RBFOX1: variants seen among roughly 807,000 people sequenced by gnomAD.
RBFOX1 encodes the protein RNA binding protein fox-1 homolog 1.
A neutral mutation model predicts 57.7 loss-of-function variants in RBFOX1; 8 were observed. That is an observed-to-expected ratio of 0.14 (90% confidence interval 0.08 to 0.25). RBFOX1 has a LOEUF of 0.25. Ranked by LOEUF, RBFOX1 falls within the 10% of genes least tolerant of loss-of-function variation. The pLI is 1.00. For synonymous variants in RBFOX1, 326 were observed against 222.4 expected (o/e 1.47, Z -4.15); for missense variants, 611 against 548.5 (o/e 1.11, Z -1.14).
chr16:7,026,082 G>A (rs1346504686), intron 3 of RBFOX1, among the ~76,000 whole-genome samples: 3 of 152,170 alleles, frequency 2.0e-5, no homozygotes, highest in Non-Finnish European at 4.4e-5. Flanking sequence ...AGGCTGGGGT[G>A]CTTGCTATGT....
At chr16:6,913,931 G>T (rs917360742) in intron 3 of RBFOX1, among the ~76,000 whole-genome samples, 2 of 152,154 alleles carry the variant, frequency 1.3e-5, no homozygotes, top group African/African-American at 4.8e-5. Context: ...GGCCTCTTGG[G>T]GTGAAGGATA....
intron 3 of RBFOX1, among the ~76,000 whole-genome samples, chr16:7,012,304 G>T (rs1216013686): frequency 6.6e-6 from 1 of 152,264 alleles, no homozygotes; most frequent in South Asian, 2.1e-4. Flanking sequence ...CAAATGTCTG[G>T]CAGGTGAGAT....
chr16:7,072,861 A>G (rs1174200431), intron 4 of RBFOX1, among the ~76,000 whole-genome samples: 9 of 152,170 alleles, frequency 5.9e-5, no homozygotes, highest in Non-Finnish European at 1.0e-4. Context: ...GTGCTCTGAG[A>G]TGAAGAATTT....
Position 6,907,265 on chromosome 16 carries a change from G to A in RBFOX1, c.-15-144792G>A, listed in dbSNP as rs539355692. Reference sequence around the variant, plus strand: ...TGGCCCCCGAAGCAAAGCGTTTGTAGTGCTGACAGTGAGAGTCATCTTTAC... The same window carrying A: ...TGGCCCCCGAAGCAAAGCGTTTGTAATGCTGACAGTGAGAGTCATCTTTAC... On this transcript the variant is annotated intron_variant, in intron 3 of 15. Transcript: ENST00000550418. 1.0e-3 allele frequency among the ~76,000 whole-genome samples: 157 copies of A among 152,292 alleles called. 4 individuals are homozygous for A. In the South Asian group the frequency reaches 0.032, roughly 31 times the overall value.
At chr16:6,145,588 G>T (rs1410739383) in intron 1 of RBFOX1, among the ~76,000 whole-genome samples, 1 of 151,932 alleles carries the variant, frequency 6.6e-6, no homozygotes, top group Non-Finnish European at 1.5e-5. Flanking sequence ...ATTTCCTTTG[G>T]CATATTTCAT....
In RBFOX1 at chr16:6,107,752, G is replaced by C. The variant is rs938182102; in HGVS notation, c.-127+87760G>C. Among the ~76,000 whole-genome samples the C allele has an allele frequency of 1.2e-4, 18 of 150,960 alleles. 1 individual carries two copies. The highest frequency in any genetic ancestry group is 9.8e-4 in the East Asian group (5 of 5,102). On this transcript the variant is annotated intron_variant, in intron 1 of 15. Transcript: ENST00000550418. The stretch of plus-strand genomic sequence containing the variant: ...GGGTGGGTGGGTGGATGGATGGATG[G>C]GTGTTTGGATGGGTGGGTGGATGGA...
intron 3 of RBFOX1, among the ~76,000 whole-genome samples, chr16:6,971,112 G>A (rs534017097): frequency 5.9e-4 from 90 of 152,324 alleles, no homozygotes; most frequent in African/African-American, 2.1e-3. Flanking sequence ...TAATCTAGCG[G>A]AGGAAGACAG....
chr16:7,370,978 A>G (rs2097554871), intron 4 of RBFOX1, among the ~76,000 whole-genome samples: 1 of 152,198 alleles, frequency 6.6e-6, no homozygotes, highest in African/African-American at 2.4e-5. Flanking sequence ...CCAATCAGGA[A>G]ATTGTAGCAT....
chr16:7,251,008 G>T, intron 4 of RBFOX1, among the ~76,000 whole-genome samples: 1 of 79,548 alleles, frequency 1.3e-5, no homozygotes, highest in East Asian at 2.3e-4. Context: ...ATACATTTTT[G>T]TAGTGAAAAC....
In RBFOX1 at chr16:7,386,160, C is replaced by G. The variant is rs377232363; in HGVS notation, c.28-131987C>G. 1.5e-4 allele frequency among the ~76,000 whole-genome samples: 23 copies of G among 152,132 alleles called. No homozygotes were observed. The East Asian group carries it at 1.7e-3, about 12-fold the overall frequency. Reference sequence around the variant, plus strand: ...CTTGGGTTTGAGATCCCAACAGCCTCAGAGATATCAGATGTAGGGCAAAGC... The same window carrying G: ...CTTGGGTTTGAGATCCCAACAGCCTGAGAGATATCAGATGTAGGGCAAAGC... On this transcript the variant is annotated intron_variant, in intron 4 of 15. Transcript: ENST00000550418.
intron 14 of RBFOX1, among the ~76,000 whole-genome samples, chr16:7,680,755 G>C (rs778532031): frequency 1.3e-5 from 2 of 152,140 alleles, no homozygotes; most frequent in South Asian, 2.1e-4. Context: ...TGTAGAGTTA[G>C]AAATTGCTAC....
intron 3 of RBFOX1, among the ~76,000 whole-genome samples, chr16:5,611,685 C>T (rs2047793739): frequency 1.4e-5 from 2 of 139,670 alleles, no homozygotes; most frequent in Admixed American, 7.4e-5. Flanking sequence ...CATCCATCCA[C>T]CCACTCCCCC....
intron 3 of RBFOX1, among the ~76,000 whole-genome samples, chr16:6,671,794 T>G (rs566996282): frequency 1.9e-4 from 29 of 152,324 alleles, no homozygotes; most frequent in African/African-American, 6.3e-4. Flanking sequence ...TGCCATTAAT[T>G]CATTCCTTTT....
At chr16:7,020,226 C>G (rs928762736) in intron 3 of RBFOX1, among the ~76,000 whole-genome samples, 5 of 151,750 alleles carry the variant, frequency 3.3e-5, no homozygotes, top group Non-Finnish European at 5.9e-5. Context: ...TTGTTTCTTT[C>G]TTTATTTCCT....
intron 1 of RBFOX1, among the ~76,000 whole-genome samples, chr16:5,417,953 C>T (rs953637627): frequency 6.6e-5 from 10 of 152,190 alleles, no homozygotes; most frequent in East Asian, 1.9e-4. Context: ...TTGTGGTGTA[C>T]GCCTGTAATC....
intron 2 of RBFOX1, among the ~76,000 whole-genome samples, chr16:5,545,434 T>C (rs978754303): frequency 2.0e-5 from 3 of 152,162 alleles, no homozygotes; most frequent in African/African-American, 7.2e-5. Context: ...GTCCAATATC[T>C]ATCATGAATA....
At chr16:6,775,010 A>G (rs1027318725) in intron 3 of RBFOX1, among the ~76,000 whole-genome samples, 1 of 151,976 alleles carries the variant, frequency 6.6e-6, no homozygotes, top group South Asian at 2.1e-4. Flanking sequence ...ATCTGTGTTC[A>G]TATCTTATAT....
intron 2 of RBFOX1, among the ~76,000 whole-genome samples, chr16:6,605,788 A>T (rs1601307019): frequency 6.6e-6 from 1 of 152,124 alleles, no homozygotes. Context: ...GAAACAACAC[A>T]CGGGAAACTA....
chr16:6,349,127 T>C (rs2085855345), intron 2 of RBFOX1, among the ~76,000 whole-genome samples: 1 of 152,162 alleles, frequency 6.6e-6, no homozygotes, highest in African/African-American at 2.4e-5. Context: ...TGCAGTAACC[T>C]CTGTCTCTCT....
Sources: allele counts gnomAD v4.1 joint callset (sites outside exome capture counted in the v4.1 genomes callset), GRCh38; gene constraint gnomAD v4.1.1; transcripts MANE v1.5; gene names NCBI Gene and HGNC (gene_info 2026-07-23, HGNC 2026-07-21).